PTPN4: variants seen among roughly 807,000 people sequenced by gnomAD.
PTPN4 encodes protein tyrosine phosphatase non-receptor type 4, also known as tyrosine-protein phosphatase non-receptor type 4.
PTPN4 carries 49 observed loss-of-function variants against 135.5 expected under a neutral mutation model. That is an observed-to-expected ratio of 0.36 (90% CI 0.29 to 0.46). The LOEUF (loss-of-function observed/expected upper bound fraction) is 0.46. Ranked by LOEUF, PTPN4 falls within the 20% of genes least tolerant of loss-of-function variation. PTPN4 has a pLI of 1.00. For synonymous variants in PTPN4, 333 were observed against 369.9 expected (o/e 0.90, Z 1.14); for missense variants, 860 against 1,101.0 (o/e 0.78, Z 3.10).
At chr2:119,936,581 T>C (rs1040941525) in intron 15 of PTPN4, among the ~76,000 whole-genome samples, 1 of 152,196 alleles carries the variant, frequency 6.6e-6, no homozygotes, top group Admixed American at 6.5e-5. Context: ...TCCACCATGA[T>C]TGTAAATTTC....
chr2:119,966,034 G>T (rs1346406694), intron 25 of PTPN4, among the ~76,000 whole-genome samples: 1 of 152,168 alleles, frequency 6.6e-6, no homozygotes, highest in African/African-American at 2.4e-5. Context: ...ACTTCTGGAT[G>T]CTGGGAAGTT....
At position 119,823,283 on chromosome 2, in the gene PTPN4, A is replaced by G. The variant is rs530139615; in HGVS notation, c.138+13292A>G. On this transcript the variant is annotated intron_variant, in intron 2 of 26. Coordinates refer to ENST00000263708, the MANE Select transcript of PTPN4 (RefSeq NM_002830.4). Reference sequence around the variant, plus strand: ...GCAGTCTCGCTCTGTCGCCCAGGCTAGAGTGCAGTGGCTCGATCTCCGCTC... The same window carrying G: ...GCAGTCTCGCTCTGTCGCCCAGGCTGGAGTGCAGTGGCTCGATCTCCGCTC... 1.1e-4 allele frequency among the ~76,000 whole-genome samples: 16 copies of G among 146,942 alleles called. No homozygotes were observed. The East Asian group carries it at 2.6e-3, about 24-fold the overall frequency.
chr2:119,904,082 C>G (rs143580130), intron 10 of PTPN4, among the ~76,000 whole-genome samples: 1 of 151,904 alleles, frequency 6.6e-6, no homozygotes, highest in Non-Finnish European at 1.5e-5. Context: ...CAGATATCAA[C>G]GTATAAGGAC....
intron 1 of PTPN4, among the ~76,000 whole-genome samples, chr2:119,778,523 G>A (rs951406939): frequency 1.3e-5 from 2 of 152,150 alleles, no homozygotes; most frequent in Admixed American, 6.5e-5. Flanking sequence ...CAGGTATATT[G>A]AAGGCATAGG....
At chr2:119,926,521 A>G in intron 12 of PTPN4, 77 bp from the exon 13 acceptor site, 4 of 989,888 alleles carry the variant, frequency 4.0e-6, no homozygotes, top group East Asian at 2.6e-5. Context: ...AAGTTACACT[A>G]TAATCATGTT....
chr2:119,935,140 C>A, intron 15 of PTPN4, 182 bp downstream of exon 15: 1 of 630,602 alleles, frequency 1.6e-6, no homozygotes, highest in Non-Finnish European at 2.7e-6. Context: ...CCCTCCCCGA[C>A]CCAGTCACTA....
chr2:119,975,348 A>G (rs1027890018), intron 26 of PTPN4, among the ~76,000 whole-genome samples: 1 of 152,044 alleles, frequency 6.6e-6, no homozygotes, highest in Non-Finnish European at 1.5e-5. Context: ...ATTCCTGGCC[A>G]CAAGTGATGC....
chr2:119,854,368 T>C (rs1677640867), intron 2 of PTPN4, among the ~76,000 whole-genome samples: 1 of 152,198 alleles, frequency 6.6e-6, no homozygotes, highest in South Asian at 2.1e-4. Context: ...AGGAGCTACC[T>C]TTATTAAAAG....
intron 2 of PTPN4, among the ~76,000 whole-genome samples, chr2:119,818,373 A>G (rs1677018845): frequency 1.3e-5 from 2 of 152,272 alleles, no homozygotes; most frequent in African/African-American, 4.8e-5. Context: ...AGAGTAATGG[A>G]CAACATACTA....
chr2:119,813,483 G>A (rs774065053), intron 2 of PTPN4, among the ~76,000 whole-genome samples: 3 of 151,922 alleles, frequency 2.0e-5, no homozygotes, highest in Non-Finnish European at 4.4e-5. Flanking sequence ...CCGACCTCAG[G>A]TGATCCACCT....
intron 10 of PTPN4, among the ~76,000 whole-genome samples, chr2:119,907,870 A>G (rs1678512759): frequency 6.6e-6 from 1 of 152,174 alleles, no homozygotes; most frequent in Non-Finnish European, 1.5e-5. Flanking sequence ...ACCCTTTTCC[A>G]TAAATGGTAC....
chr2:119,853,568 C>G (rs1162982275), intron 2 of PTPN4, among the ~76,000 whole-genome samples: 1 of 151,984 alleles, frequency 6.6e-6, no homozygotes, highest in Non-Finnish European at 1.5e-5. Flanking sequence ...CTTTTAGAGA[C>G]CTTTGCCTTC....
At chr2:119,811,150 A>C (rs1691566003) in intron 2 of PTPN4, among the ~76,000 whole-genome samples, 1 of 152,204 alleles carries the variant, frequency 6.6e-6, no homozygotes, top group East Asian at 1.9e-4. Context: ...TGATGGGTGC[A>C]GCCAACCAAC....
At chr2:119,850,507 G>A (rs149170841) in intron 2 of PTPN4, among the ~76,000 whole-genome samples, 154 of 152,354 alleles carry the variant, frequency 1.0e-3, no homozygotes, top group African/African-American at 3.2e-3. Flanking sequence ...AGCATGAGAA[G>A]TGCTGGTGGT....
rs1679660439 is a variant in PTPN4, at chr2:119,979,343, A to G, written c.*2273A>G. ...CTTGTTTATACTTGTGAGTTTAATA[A>G]TTTCTTGGCAATGAGCACTGCTGCC... is the stretch of plus-strand genomic sequence containing the variant. On this transcript the variant is annotated 3_prime_UTR_variant, in exon 27 of 27. Transcript: ENST00000263708. 6.6e-6 allele frequency: 1 copy of G among 152,114 alleles called. No individual in the cohort carries two copies. The highest frequency in any genetic ancestry group is 2.4e-5 in the African/African-American group (1 of 41,444). 9.4% of individuals were successfully genotyped at this position (152,114 alleles called of 1,614,324 possible). A position where few individuals can be genotyped will look rare whatever the true frequency, so the allele number is the denominator to read the frequency against.
chr2:119,926,770 A>C, intron 13 of PTPN4, 104 bp downstream of exon 13: 1 of 830,012 alleles, frequency 1.2e-6, no homozygotes, highest in East Asian at 2.7e-5. Context: ...TAAATATTTC[A>C]AATTTTTGAT....
chr2:119,818,663 G>C (rs1247204901), intron 2 of PTPN4, among the ~76,000 whole-genome samples: 2 of 152,160 alleles, frequency 1.3e-5, no homozygotes, highest in Non-Finnish European at 2.9e-5. Flanking sequence ...TATAGGAAAG[G>C]TTTGGACTCT....
At chr2:119,831,468 C>T (rs1038367271) in intron 2 of PTPN4, among the ~76,000 whole-genome samples, 2 of 152,176 alleles carry the variant, frequency 1.3e-5, no homozygotes, top group African/African-American at 2.4e-5. Flanking sequence ...AGAAGCACCA[C>T]GTTGTCTTAT....
chr2:119,874,456 G>A (rs1057357116), intron 3 of PTPN4, among the ~76,000 whole-genome samples: 1 of 152,162 alleles, frequency 6.6e-6, no homozygotes, highest in African/African-American at 2.4e-5. Flanking sequence ...ATGAGTTATT[G>A]TTACATGCCA....
Sources: allele counts gnomAD v4.1 joint callset (sites outside exome capture counted in the v4.1 genomes callset), GRCh38; gene constraint gnomAD v4.1.1; transcripts MANE v1.5; gene names NCBI Gene and HGNC (gene_info 2026-07-23, HGNC 2026-07-21).